SDK1: variants seen among roughly 807,000 people sequenced by gnomAD.
SDK1 encodes protein sidekick-1.
A neutral mutation model predicts 245.5 loss-of-function variants in SDK1; 157 were observed. The observed-to-expected ratio is 0.64, with a 90% CI of 0.56 to 0.73. The LOEUF is 0.73. Among genes scored for constraint, SDK1 ranks in the 30% least tolerant of loss-of-function variants. The pLI, the probability that SDK1 is intolerant of heterozygous loss-of-function variation, is 0.00. For synonymous variants in SDK1, 1,647 were observed against 1,278.5 expected, an observed-to-expected ratio of 1.29 and a Z score of -6.15; for missense variants, 3,583 against 3,002.3, an observed-to-expected ratio of 1.19 and a Z score of -4.52.
chr7:3,336,278 C>T (rs12537528), intron 1 of SDK1, among the ~76,000 whole-genome samples: 68,986 of 151,970 alleles, frequency 0.45, 15,710 homozygotes, highest in East Asian at 0.56. Context: ...GTTAATCTTT[C>T]ATATCCTGCC....
intron 1 of SDK1, among the ~76,000 whole-genome samples, chr7:3,334,941 C>A (rs556172330): frequency 2.4e-4 from 37 of 152,070 alleles, no homozygotes; most frequent in Admixed American, 7.2e-4. Flanking sequence ...TATCATTTAC[C>A]CAGTAACTCA....
At chr7:3,816,599 A>G (rs542070843) in intron 4 of SDK1, among the ~76,000 whole-genome samples, 152 of 152,174 alleles carry the variant, frequency 1.0e-3, no homozygotes, top group African/African-American at 3.3e-3. Flanking sequence ...TTGTGGCAAT[A>G]ATCAATAGTT....
intron 1 of SDK1, among the ~76,000 whole-genome samples, chr7:3,389,918 T>C (rs1033617893): frequency 2.6e-5 from 4 of 152,162 alleles, no homozygotes; most frequent in Admixed American, 6.5e-5. Flanking sequence ...TTGAACAGAC[T>C]GTTCAAGTGT....
chr7:4,042,987 G>A (rs1583919818), intron 17 of SDK1, among the ~76,000 whole-genome samples: 1 of 152,244 alleles, frequency 6.6e-6, no homozygotes, highest in East Asian at 1.9e-4. Context: ...TAAACCTAGG[G>A]TATTGAGAGA....
Position 3,619,093 on chromosome 7 carries a change from A to G in SDK1, c.312A>G (p.Pro104=), listed in dbSNP as rs1055659867. 1.2e-6 allele frequency: 2 copies of G among 1,602,184 alleles called. No individual in the cohort carries two copies. Among genetic ancestry groups the G allele is most frequent in the Middle Eastern group, 1.7e-4 (1 of 6,032 alleles). The change falls in exon 2 of 45, where the codon CCA becomes CCG. Residue 104 remains proline, a synonymous_variant. Coordinates refer to ENST00000404826, the MANE Select transcript of SDK1 (RefSeq NM_152744.4). ...TTAATATTTCAGATGATGTTGCTCC[A>G]TATTTTAAAACGGAGCCAGGCCTAC... ...LRALAQDDVA[P]YFKTEPGLPQ... is the part of the protein sequence containing the mutation.
chr7:3,535,598 A>G, intron 1 of SDK1, among the ~76,000 whole-genome samples: 1 of 152,138 alleles, frequency 6.6e-6, no homozygotes, highest in East Asian at 1.9e-4. Context: ...GCCTTCTATA[A>G]CATGGTCCCT....
At chr7:3,906,235 G>A (rs901613269) in intron 5 of SDK1, among the ~76,000 whole-genome samples, 1 of 151,908 alleles carries the variant, frequency 6.6e-6, no homozygotes, top group Non-Finnish European at 1.5e-5. Flanking sequence ...TTTTCATCGT[G>A]TTCTATTATT....
At chr7:3,902,412 C>G (rs1218128445) in intron 5 of SDK1, among the ~76,000 whole-genome samples, 1 of 152,206 alleles carries the variant, frequency 6.6e-6, no homozygotes, top group Non-Finnish European at 1.5e-5. Context: ...TATACCGATA[C>G]TACTGCTCAC....
chr7:4,067,743 C>T (rs1779993406), intron 19 of SDK1, 95 bp from the exon 20 acceptor site: 1 of 857,700 alleles, frequency 1.2e-6, no homozygotes, highest in Admixed American at 2.4e-5. Context: ...CCCAGCTCAC[C>T]ACTTTCCTTC....
chr7:3,348,854 A>G (rs915069498), intron 1 of SDK1, among the ~76,000 whole-genome samples: 2 of 152,208 alleles, frequency 1.3e-5, no homozygotes, highest in Non-Finnish European at 2.9e-5. Context: ...TTTTGCTTTT[A>G]TTAACTACTT....
chr7:3,711,837 T>C lies in SDK1; in HGVS notation c.713+69732T>C, dbSNP rs529908599. Reference sequence around the variant, plus strand: ...TGGAAGCTGGGGGCGTTGTGATCTTTTGATTTGACTCCTGGGAGACCAGGG... The same window carrying C: ...TGGAAGCTGGGGGCGTTGTGATCTTCTGATTTGACTCCTGGGAGACCAGGG... On this transcript the variant is annotated intron_variant, in intron 4 of 44. Transcript: ENST00000404826. 4.6e-5 allele frequency among the ~76,000 whole-genome samples: 7 copies of C among 152,228 alleles called. No homozygotes were observed. The South Asian group carries it at 1.5e-3, about 32-fold the overall frequency.
At position 3,382,140 on chromosome 7, in the gene SDK1, A is replaced by AT. The variant is rs11376535; in HGVS notation, c.298+80265dup. The stretch of plus-strand genomic sequence containing the variant: ...TTTTTATTTTTTTTCAAACTTAAAC[A>AT]TTTTTTTTTGTGTAGAGACAGGGTC... On this transcript the variant is annotated intron_variant, in intron 1 of 44. Transcript: ENST00000404826. Among the ~76,000 whole-genome samples the AT allele has an allele frequency of 8.0e-3, 1,205 of 150,496 alleles. 14 individuals are homozygous for AT. The highest frequency in any genetic ancestry group is 0.028 in the African/African-American group (1,133 of 40,908).
intron 1 of SDK1, among the ~76,000 whole-genome samples, chr7:3,551,757 C>G (rs564080427): frequency 4.6e-5 from 7 of 151,976 alleles, no homozygotes; most frequent in African/African-American, 1.7e-4. Flanking sequence ...CTCACCGCAG[C>G]CTGAGACTCG....
intron 1 of SDK1, among the ~76,000 whole-genome samples, chr7:3,369,310 G>C (rs1781166164): frequency 6.6e-6 from 1 of 152,076 alleles, no homozygotes; most frequent in Non-Finnish European, 1.5e-5. Context: ...CAAAGTGCTG[G>C]GATTACAGAC....
intron 1 of SDK1, among the ~76,000 whole-genome samples, chr7:3,448,126 C>T (rs145713712): frequency 1.3e-5 from 2 of 152,220 alleles, no homozygotes; most frequent in Non-Finnish European, 2.9e-5. Context: ...GATTTCTTTC[C>T]TAAATGTTTA....
intron 5 of SDK1, among the ~76,000 whole-genome samples, chr7:3,824,957 A>G (rs1294303686): frequency 1.3e-5 from 2 of 152,090 alleles, no homozygotes; most frequent in Non-Finnish European, 2.9e-5. Flanking sequence ...AGGGAAGGAG[A>G]GGATTTCCCT....
intron 1 of SDK1, among the ~76,000 whole-genome samples, chr7:3,529,936 C>T (rs576361203): frequency 2.6e-5 from 4 of 152,142 alleles, no homozygotes; most frequent in South Asian, 4.1e-4. Context: ...GGTTAGGGGA[C>T]GTGGCAGAGA....
chr7:3,328,524 A>ATG (rs1396285431), intron 1 of SDK1, among the ~76,000 whole-genome samples: 7 of 152,026 alleles, frequency 4.6e-5, no homozygotes, highest in Non-Finnish European at 7.4e-5. Context: ...TTATATATAT[A>ATG]AAAAAACTTG....
intron 4 of SDK1, among the ~76,000 whole-genome samples, chr7:3,661,205 A>C (rs1205248793): frequency 1.3e-5 from 2 of 152,360 alleles, no homozygotes; most frequent in East Asian, 3.9e-4. Context: ...TTGACTATAC[A>C]TAACTTTATT....
Sources: gnomAD v4.1 joint callset for allele counts (sites outside exome capture counted in the v4.1 genomes callset) on GRCh38, gnomAD v4.1.1 for gene constraint, MANE v1.5 for transcripts, NCBI Gene and HGNC (gene_info 2026-07-23, HGNC 2026-07-21) for gene names.